The following ITPKB variants were observed in gnomAD, a reference collection of about 807,000 sequenced individuals.
The protein encoded by ITPKB is IP3 3-kinase B.
ITPKB carries 13 observed loss-of-function variants against 69.4 expected under a neutral mutation model. The ratio of observed to expected loss-of-function variants is 0.19; its 90% CI spans 0.12 to 0.30. ITPKB has a LOEUF of 0.30. Among genes scored for constraint, ITPKB ranks in the 10% least tolerant of loss-of-function variants. ITPKB has a pLI of 1.00. For missense variants in ITPKB, 1,240 were observed against 1,250.5 expected, an observed-to-expected ratio of 0.99 and a Z score of 0.13; for synonymous variants, 584 against 513.7, an observed-to-expected ratio of 1.14 and a Z score of -1.85.
rs1668955359 is a variant in ITPKB at position 226,641,273 on chromosome 1, A to G, written c.2451+648T>C. Among the ~76,000 whole-genome samples, 1 of 152,260 alleles carries G rather than the reference A, an allele frequency of 6.6e-6. No individual in the cohort carries two copies. The highest frequency in any genetic ancestry group is 2.1e-4 in the South Asian group (1 of 4,832). ...TTCTGTGTGCCCATAGCCAGAGCTAAGAACTTTCCTGCCAGATACACATAG... is the reference window on the plus strand; with the variant it reads ...TTCTGTGTGCCCATAGCCAGAGCTAGGAACTTTCCTGCCAGATACACATAG... On this transcript the variant is annotated intron_variant, in intron 5 of 7. Transcript: ENST00000429204. The surrounding 1 kb of genome is among the most constrained non-coding windows in gnomAD (Gnocchi z 4.6).
intron 5 of ITPKB, among the ~76,000 whole-genome samples, chr1:226,640,411 C>G (rs1325559894): frequency 6.6e-6 from 1 of 152,230 alleles, no homozygotes; most frequent in African/African-American, 2.4e-5. Flanking sequence ...ACTGTGGCTG[C>G]CTTCGACAGG....
At chr1:226,701,069 C>T (rs1225186584) in intron 2 of ITPKB, among the ~76,000 whole-genome samples, 3 of 152,220 alleles carry the variant, frequency 2.0e-5, no homozygotes, top group Admixed American at 2.0e-4. Context: ...GTCCCAGCTA[C>T]CCAATGACAC....
At position 226,737,003 on chromosome 1, in the gene ITPKB, C is replaced by T; in HGVS notation, c.456G>A (p.Ala152=). 1 of 1,612,758 alleles carries T rather than the reference C, an allele frequency of 6.2e-7. No individual in the cohort carries two copies. Among genetic ancestry groups the T allele is most frequent in the East Asian group, 2.2e-5 (1 of 44,856 alleles). ...QVNQKVGMFE[A]HIQAQSSAIQ... ...TGGCGGAGCTCTGTGCCTGGATGTG[C>T]GCCTCAAACATGCCCACTTTCTGGT... Residue 152 remains alanine, a synonymous_variant, in exon 2 of 8, where the codon GCG becomes GCA. Transcript: ENST00000429204.
chr1:226,684,677 C>T (rs192439778), intron 2 of ITPKB, among the ~76,000 whole-genome samples: 51 of 152,208 alleles, frequency 3.4e-4, no homozygotes, highest in Non-Finnish European at 5.1e-4. Context: ...ATGCAAAGAT[C>T]TCAGGCCTTG....
At chr1:226,726,474 C>T (rs748831042) in intron 2 of ITPKB, among the ~76,000 whole-genome samples, 8 of 152,114 alleles carry the variant, frequency 5.3e-5, no homozygotes, top group East Asian at 1.9e-4. Context: ...CTCAGGAATT[C>T]GAGACCAGCC....
Position 226,641,882 on chromosome 1 carries a change from C to A in ITPKB, c.2451+39G>T. On this transcript the variant is annotated intron_variant, in intron 5 of 7. Transcript: ENST00000429204. This position sits in a 1 kb window ranked among gnomAD's most constrained non-coding sequence, Gnocchi z 4.6. The stretch of plus-strand genomic sequence containing the variant: ...GAAGCCAAGCCCCCTGAGGTGGGCA[C>A]GGGTGGGGCCCGAGGCTGCCCTCAC... The A allele has an allele frequency of 6.3e-7, 1 of 1,578,034 alleles. No individual in the cohort carries two copies.
intron 2 of ITPKB, among the ~76,000 whole-genome samples, chr1:226,652,549 C>T (rs1172111786): frequency 6.6e-6 from 1 of 152,242 alleles, no homozygotes; most frequent in Non-Finnish European, 1.5e-5. Context: ...CTCTCCACAG[C>T]AGCCTCTGTC....
chr1:226,689,660 G>A (rs905621462), intron 2 of ITPKB, among the ~76,000 whole-genome samples: 6 of 150,388 alleles, frequency 4.0e-5, no homozygotes, highest in Non-Finnish European at 7.4e-5. Context: ...TACATGTACA[G>A]GTCACATAGG....
chr1:226,704,671 C>A (rs1349426276), intron 2 of ITPKB, among the ~76,000 whole-genome samples: 1 of 152,224 alleles, frequency 6.6e-6, no homozygotes, highest in African/African-American at 2.4e-5. Context: ...ATTCTGCCAA[C>A]TTTACAGCCA....
chr1:226,726,315 T>G lies in ITPKB; in HGVS notation c.1932+9212A>C, dbSNP rs1657408202. On this transcript the variant is annotated intron_variant, in intron 2 of 7. Coordinates refer to ENST00000429204, the MANE Select transcript of ITPKB (RefSeq NM_002221.4). ...CAATTAGCCAGATGGTCAATATTAA[T>G]GAGTGTTTAATGCTGTGATGACTAT... Among the ~76,000 whole-genome samples, 3 of 152,184 alleles carry G rather than the reference T, an allele frequency of 2.0e-5. No individual in the cohort carries two copies. The South Asian group carries it at 6.2e-4, about 31-fold the overall frequency.
chr1:226,715,194 A>G (rs1274215384), intron 2 of ITPKB, among the ~76,000 whole-genome samples: 1 of 152,246 alleles, frequency 6.6e-6, no homozygotes, highest in Non-Finnish European at 1.5e-5. Context: ...CCTAGAAGGT[A>G]GGAACTAAGC....
At chr1:226,655,583 A>G (rs890622872) in intron 2 of ITPKB, among the ~76,000 whole-genome samples, 1 of 152,188 alleles carries the variant, frequency 6.6e-6, no homozygotes, top group African/African-American at 2.4e-5. Context: ...AGCCTTCTGC[A>G]TGTTGTTCAG....
chr1:226,680,467 T>C (rs1656055124), intron 2 of ITPKB, among the ~76,000 whole-genome samples: 1 of 152,144 alleles, frequency 6.6e-6, no homozygotes, highest in South Asian at 2.1e-4. Flanking sequence ...ATGCTGAATG[T>C]GTTAGGTAGG....
At chr1:226,662,730 C>T (rs1298732834) in intron 2 of ITPKB, among the ~76,000 whole-genome samples, 3 of 152,222 alleles carry the variant, frequency 2.0e-5, no homozygotes, top group South Asian at 2.1e-4. Flanking sequence ...TACCACATGA[C>T]GGCTTATAAG....
chr1:226,685,291 T>C (rs577235431), intron 2 of ITPKB, among the ~76,000 whole-genome samples: 25 of 152,314 alleles, frequency 1.6e-4, no homozygotes, highest in Non-Finnish European at 2.9e-4. Flanking sequence ...CTGAGCTCAG[T>C]GTTCAGCACC....
intron 2 of ITPKB, among the ~76,000 whole-genome samples, chr1:226,708,345 T>A (rs761871837): frequency 6.6e-6 from 1 of 152,184 alleles, no homozygotes; most frequent in Non-Finnish European, 1.5e-5. Context: ...AAACCGTTGG[T>A]AGAATAACAG....
chr1:226,733,233 G>A (rs922164790), intron 2 of ITPKB, among the ~76,000 whole-genome samples: 29 of 152,186 alleles, frequency 1.9e-4, no homozygotes, highest in African/African-American at 6.3e-4. Context: ...GCGTTGTGCA[G>A]TAGCTGGACA....
intron 5 of ITPKB, among the ~76,000 whole-genome samples, chr1:226,640,060 G>T (rs1668926976): frequency 6.6e-6 from 1 of 152,176 alleles, no homozygotes; most frequent in South Asian, 2.1e-4. Context: ...GTGCCCGGAG[G>T]TCCCTGCCCG....
Position 226,642,254 on chromosome 1 carries a change from G to C in ITPKB, c.2247-129C>G. ...ACAGCTGCAGTCAGCTCAGTGCCCT[G>C]AGTCAAGGCACGTCTTTCCGAGGGG... On this transcript the variant is annotated intron_variant, in intron 4 of 7. Coordinates refer to ENST00000429204, the MANE Select transcript of ITPKB (RefSeq NM_002221.4). This position sits in a 1 kb window ranked among gnomAD's most constrained non-coding sequence, Gnocchi z 6.4. 2.3e-5 allele frequency: 16 copies of C among 698,884 alleles called. No homozygotes were observed. In the South Asian group the frequency reaches 2.3e-4, roughly 10 times the overall value. 43.3% of individuals were successfully genotyped at this position (698,884 alleles called of 1,614,324 possible). A position where few individuals can be genotyped will look rare whatever the true frequency, so the allele number is the denominator to read the frequency against.
Sources: gnomAD v4.1 joint callset for allele counts (sites outside exome capture counted in the v4.1 genomes callset) on GRCh38, gnomAD v4.1.1 for gene constraint, Gnocchi (gnomAD v3.1) non-coding constraint, MANE v1.5 for transcripts, NCBI Gene and HGNC (gene_info 2026-07-23, HGNC 2026-07-21) for gene names.